Variants in VWC2L observed in about 807,000 individuals in gnomAD.
VWC2L encodes the protein von Willebrand factor C domain containing 2 like, also known as von Willebrand factor C domain-containing protein 2-like.
A neutral mutation model predicts 21.6 loss-of-function variants in VWC2L; 10 were observed. The observed-to-expected ratio is 0.46, with a 90% confidence interval of 0.29 to 0.78. The LOEUF (loss-of-function observed/expected upper bound fraction) is 0.78. Ranked by LOEUF, VWC2L falls within the 30% of genes least tolerant of loss-of-function variation. VWC2L has a pLI of 0.10. For synonymous variants in VWC2L, 96 were observed against 94.3 expected (o/e 1.02, Z -0.10); for missense variants, 209 against 277.1 (o/e 0.75, Z 1.74).
chr2:214,472,974 T>G (rs959132537), intron 3 of VWC2L, among the ~76,000 whole-genome samples: 3 of 152,314 alleles, frequency 2.0e-5, no homozygotes, highest in Admixed American at 6.5e-5. Context: ...AAGCCATTTC[T>G]TTTCCTCCAA....
chr2:214,482,008 A>G (rs925721005), intron 3 of VWC2L, among the ~76,000 whole-genome samples: 1 of 152,162 alleles, frequency 6.6e-6, no homozygotes, highest in Non-Finnish European at 1.5e-5. Flanking sequence ...AAGCAAACCA[A>G]CCCCTGATTT....
At chr2:214,536,056 C>G (rs563274244) in intron 3 of VWC2L, among the ~76,000 whole-genome samples, 1 of 152,206 alleles carries the variant, frequency 6.6e-6, no homozygotes, top group South Asian at 2.1e-4. Context: ...TTGTTCTTAT[C>G]CATCCATTAC....
At chr2:214,564,541 G>T (rs563283609) in intron 3 of VWC2L, among the ~76,000 whole-genome samples, 199 of 152,076 alleles carry the variant, frequency 1.3e-3, no homozygotes, top group Non-Finnish European at 2.2e-3. Flanking sequence ...AGCTACGCAT[G>T]GTAGTGGCTA....
intron 3 of VWC2L, chr2:214,525,325 A>G (rs1689316534): frequency 6.6e-6 from 1 of 152,168 alleles, no homozygotes; most frequent in Admixed American, 6.5e-5. Context: ...TTTGCACACA[A>G]GTAGTTCATT....
chr2:214,462,864 G>A (rs1465674455), intron 3 of VWC2L, among the ~76,000 whole-genome samples: 2 of 152,164 alleles, frequency 1.3e-5, no homozygotes, highest in Non-Finnish European at 2.9e-5. Flanking sequence ...ACTTAAAACA[G>A]TAATTTCTCT....
intron 3 of VWC2L, among the ~76,000 whole-genome samples, chr2:214,438,845 A>G (rs1013313892): frequency 1.3e-5 from 2 of 152,060 alleles, no homozygotes; most frequent in African/African-American, 2.4e-5. Context: ...AGTAACCACT[A>G]GTATTTCTGA....
chr2:214,556,999 T>C (rs1229316377), intron 3 of VWC2L, among the ~76,000 whole-genome samples: 1 of 152,204 alleles, frequency 6.6e-6, no homozygotes, highest in African/African-American at 2.4e-5. Context: ...GGGAGTCTTC[T>C]TACTGTTCCC....
In VWC2L at chr2:214,538,639, T is replaced by C. The variant is rs886445468; in HGVS notation, c.521-37033T>C. On this transcript the variant is annotated intron_variant, in intron 3 of 3. Transcript: ENST00000312504. ...TACATGTTTAGTATATATTATTTAG[T>C]ACATTATAGTATATATAAAATATAT... 2.8e-5 allele frequency among the ~76,000 whole-genome samples: 4 copies of C among 143,322 alleles called. No homozygotes were observed. In the East Asian group the frequency reaches 8.3e-4, roughly 30 times the overall value. 94.0% of individuals were successfully genotyped at this position (143,322 alleles called of 152,430 possible).
chr2:214,442,045 G>T (rs1434590152), intron 3 of VWC2L, among the ~76,000 whole-genome samples: 1 of 151,822 alleles, frequency 6.6e-6, no homozygotes, highest in African/African-American at 2.4e-5. Context: ...CCAAGTAGCT[G>T]GGATTATAGG....
At chr2:214,478,835 C>T (rs1377750191) in intron 3 of VWC2L, among the ~76,000 whole-genome samples, 2 of 152,192 alleles carry the variant, frequency 1.3e-5, no homozygotes, top group Non-Finnish European at 1.5e-5. Context: ...ATTATTTCCC[C>T]TGTCCCTAGT....
chr2:214,473,916 G>C (rs2126194200), intron 3 of VWC2L: 1 of 152,136 alleles, frequency 6.6e-6, no homozygotes, highest in African/African-American at 2.4e-5. Flanking sequence ...AAAGTTAAAT[G>C]GTCATCTTGG....
chr2:214,453,121 A>G (rs1226515467), intron 3 of VWC2L, among the ~76,000 whole-genome samples: 1 of 152,198 alleles, frequency 6.6e-6, no homozygotes, highest in Non-Finnish European at 1.5e-5. Flanking sequence ...TTTTGGTTGT[A>G]ACCAAGAAAT....
At chr2:214,498,685 T>A (rs545919570) in intron 3 of VWC2L, among the ~76,000 whole-genome samples, 35 of 39,584 alleles carry the variant, frequency 8.8e-4, no homozygotes, top group African/African-American at 1.9e-3. Flanking sequence ...TATATGGGTG[T>A]ATATATTATA....
At chr2:214,427,196 T>C (rs1559287571) in intron 2 of VWC2L, among the ~76,000 whole-genome samples, 1 of 152,206 alleles carries the variant, frequency 6.6e-6, no homozygotes, top group Non-Finnish European at 1.5e-5. Context: ...TATTGCTCTC[T>C]CCTAAATATG....
At chr2:214,495,511 T>C (rs1181023082) in intron 3 of VWC2L, among the ~76,000 whole-genome samples, 1 of 152,202 alleles carries the variant, frequency 6.6e-6, no homozygotes, top group East Asian at 1.9e-4. Context: ...GCCCAGTTGA[T>C]GGACTACCAC....
Position 214,414,891 on chromosome 2 carries a change from G to C in VWC2L, c.390+308G>C, listed in dbSNP as rs1702332252. ...TATTACAAAATATGTTTTCTGATGG[G>C]AACAATTTTGTGTATAGTGTATGTG... On this transcript the variant is annotated intron_variant, in intron 2 of 3. Coordinates refer to ENST00000312504, the MANE Select transcript of VWC2L (RefSeq NM_001080500.4). 6.3e-5 allele frequency: 21 copies of C among 333,692 alleles called. No homozygotes were observed. In the South Asian group the frequency reaches 6.3e-4, roughly 10 times the overall value. The allele number at this position is 333,692 out of a possible 1,614,324, so 20.7% of individuals were successfully genotyped here.
intron 3 of VWC2L, among the ~76,000 whole-genome samples, chr2:214,554,501 TAA>T (rs1013856734): frequency 2.5e-4 from 38 of 152,020 alleles, no homozygotes; most frequent in African/African-American, 8.9e-4. Context: ...CCATCTCCAC[TAA>T]AAATACAAAA....
chr2:214,440,631 TTA>T, intron 3 of VWC2L, among the ~76,000 whole-genome samples: 1 of 152,076 alleles, frequency 6.6e-6, no homozygotes, highest in East Asian at 1.9e-4. Flanking sequence ...TGTATATATT[TTA>T]TATATATAGC....
chr2:214,500,478 T>A (rs1231872419), intron 3 of VWC2L, among the ~76,000 whole-genome samples: 3 of 152,204 alleles, frequency 2.0e-5, no homozygotes, highest in African/African-American at 7.2e-5. Context: ...ATATGGCTAC[T>A]GCAACTCTAA....
Sources: gnomAD v4.1 joint callset for allele counts (sites outside exome capture counted in the v4.1 genomes callset) on GRCh38, gnomAD v4.1.1 for gene constraint, MANE v1.5 for transcripts, NCBI Gene and HGNC (gene_info 2026-07-23, HGNC 2026-07-21) for gene names.